Variants in DNAAF5 observed in about 807,000 individuals in gnomAD.
The protein encoded by DNAAF5 is dynein axonemal assembly factor 5, also known as HEAT repeat containing 2.
A neutral mutation model predicts 75.8 loss-of-function variants in DNAAF5; 64 were observed. The observed-to-expected ratio is 0.84, with a 90% CI of 0.69 to 1.04. DNAAF5 has a LOEUF of 1.04. DNAAF5 is among the 50% of genes least tolerant of loss of function. The pLI, the probability that DNAAF5 is intolerant of heterozygous loss-of-function variation, is 0.00. For synonymous variants in DNAAF5, 657 were observed against 557.2 expected (o/e 1.18, Z -2.52); for missense variants, 1,269 against 1,178.5 (o/e 1.08, Z -1.12).
intron 8 of DNAAF5, 128 bp from the exon 9 acceptor site, chr7:770,343 G>A (rs1434240477): frequency 1.2e-5 from 9 of 725,730 alleles, no homozygotes; most frequent in Non-Finnish European, 2.0e-5. Flanking sequence ...TGAGAAAGAG[G>A]AAGCGGGGAG....
chr7:784,650 T>C (rs1476207997), intron 12 of DNAAF5, among the ~76,000 whole-genome samples: 1 of 152,200 alleles, frequency 6.6e-6, no homozygotes, highest in Non-Finnish European at 1.5e-5. Flanking sequence ...TGCTTCCCGA[T>C]GAACCCTCCG....
chr7:762,603 T>C (rs1583503748), intron 7 of DNAAF5, among the ~76,000 whole-genome samples: 1 of 152,058 alleles, frequency 6.6e-6, no homozygotes, highest in African/African-American at 2.4e-5. Context: ...ATGGGCTCCC[T>C]GTTTATGCCC....
intron 4 of DNAAF5, among the ~76,000 whole-genome samples, chr7:743,055 G>A (rs1288919977): frequency 5.9e-5 from 9 of 152,174 alleles, no homozygotes; most frequent in African/African-American, 1.7e-4. Flanking sequence ...AATGTATTCC[G>A]TCAAATACAG....
intron 7 of DNAAF5, among the ~76,000 whole-genome samples, chr7:763,600 A>T (rs551722726): frequency 2.1e-4 from 32 of 152,180 alleles, no homozygotes; most frequent in Non-Finnish European, 4.4e-4. Context: ...GTTGGTGTGA[A>T]CGGGATCAGG....
In DNAAF5 at chr7:754,382, T is replaced by G. The variant is rs950542020; in HGVS notation, c.1025-207T>G. Among the ~76,000 whole-genome samples the G allele has an allele frequency of 1.3e-5, 2 of 152,178 alleles. No individual in the cohort carries two copies. The highest frequency in any genetic ancestry group is 2.9e-5 in the Non-Finnish European group (2 of 68,038). On this transcript the variant is annotated intron_variant, in intron 4 of 12. Transcript: ENST00000297440. The surrounding 1 kb of genome is among the most constrained non-coding windows in gnomAD (Gnocchi z 4.8). The stretch of plus-strand genomic sequence containing the variant: ...CTCTAGTGATCCACCTGCCTTGGCC[T>G]CCACAGGGCTAGGACTGCAGCCGTG...
chr7:728,448 A>T (rs1318402234), intron 1 of DNAAF5, among the ~76,000 whole-genome samples: 2 of 152,150 alleles, frequency 1.3e-5, no homozygotes, highest in African/African-American at 4.8e-5. Context: ...CTGCGTGGAG[A>T]ATAGATTCCA....
chr7:765,120 CTA>C (rs1346188125), intron 8 of DNAAF5, among the ~76,000 whole-genome samples: 1 of 152,188 alleles, frequency 6.6e-6, no homozygotes, highest in African/African-American at 2.4e-5. Context: ...GGCCCTGTCT[CTA>C]AAACCAAACA....
chr7:769,625 T>C (rs1044362352), intron 8 of DNAAF5, among the ~76,000 whole-genome samples: 3 of 152,256 alleles, frequency 2.0e-5, no homozygotes, highest in Admixed American at 6.5e-5. Flanking sequence ...CTTTAATTTT[T>C]CAAAAAAATT....
At chr7:729,525 T>G in intron 1 of DNAAF5, 138 bp from the exon 2 acceptor site, 1 of 756,672 alleles carries the variant, frequency 1.3e-6, no homozygotes. Flanking sequence ...TGTGTACTGT[T>G]CATGCAGCAA....
intron 11 of DNAAF5, among the ~76,000 whole-genome samples, chr7:777,704 G>T (rs1276179134): frequency 7.9e-5 from 12 of 152,218 alleles, no homozygotes; most frequent in Admixed American, 7.9e-4. Context: ...TCCCGGAAAT[G>T]AATGGAGTCA....
In DNAAF5 at chr7:761,797, G is replaced by T; in HGVS notation, c.1515G>T (p.Val505=). The T allele has an allele frequency of 6.2e-7, 1 of 1,609,376 alleles. No homozygotes were observed. Among genetic ancestry groups the T allele is most frequent in the Middle Eastern group, 1.7e-4 (1 of 5,976 alleles). ...ERLLLCVQAL[V]SVCHEDCGVA... Reference sequence around the variant, plus strand: ...TGCTGCTGTGTGTGCAGGCTCTGGTGTCTGTGTGTCATGAGGACTGTGGCG... The same window carrying T: ...TGCTGCTGTGTGTGCAGGCTCTGGTTTCTGTGTGTCATGAGGACTGTGGCG... Residue 505 remains valine, a synonymous_variant, in exon 7 of 13, where the codon GTG becomes GTT. Transcript: ENST00000297440.
intron 12 of DNAAF5, among the ~76,000 whole-genome samples, chr7:781,956 G>A (rs141710475): frequency 2.9e-3 from 443 of 152,378 alleles, no homozygotes; most frequent in African/African-American, 9.9e-3. Context: ...CCCTGCGGCT[G>A]TACTCTGCTC....
chr7:768,122 G>A (rs996449182), intron 8 of DNAAF5, among the ~76,000 whole-genome samples: 37 of 103,384 alleles, frequency 3.6e-4, no homozygotes, highest in African/African-American at 1.5e-3. Context: ...GGTGATCTGG[G>A]CGGAAGTGTC....
chr7:785,596 G>T lies in DNAAF5; in HGVS notation c.2511G>T (p.Ser837=), dbSNP rs143524894. The T allele has an allele frequency of 1.2e-6, 2 of 1,613,266 alleles. No individual in the cohort carries two copies. Among genetic ancestry groups the T allele is most frequent in the Non-Finnish European group, 1.7e-6 (2 of 1,180,024 alleles). ...ETEAVIHKHR[S]ATYCEQLLQH... The stretch of plus-strand genomic sequence containing the variant: ...AGGCCGTCATCCACAAGCACCGCTC[G>T]GCCACCTACTGCGAGCAGCTCCTGC... The change falls in exon 13 of 13, where the codon TCG becomes TCT. Residue 837 remains serine, a synonymous_variant. Coordinates refer to ENST00000297440, the MANE Select transcript of DNAAF5 (RefSeq NM_017802.4).
intron 11 of DNAAF5, among the ~76,000 whole-genome samples, chr7:775,559 T>A (rs1489048253): frequency 9.2e-5 from 14 of 152,158 alleles, no homozygotes; most frequent in South Asian, 2.1e-4. Flanking sequence ...TATATACATG[T>A]TTGTGCATTT....
At position 754,094 on chromosome 7, in the gene DNAAF5, T is replaced by C. The variant is rs1180933142; in HGVS notation, c.1025-495T>C. On this transcript the variant is annotated intron_variant, in intron 4 of 12. Coordinates refer to ENST00000297440, the MANE Select transcript of DNAAF5 (RefSeq NM_017802.4). This position sits in a 1 kb window ranked among gnomAD's most constrained non-coding sequence, Gnocchi z 4.8. ...TCTCTCTGATCATAGGGGGACGGCT[T>C]CGCAGGCGTGTCTCTCTGATCATAC... 6.6e-6 allele frequency among the ~76,000 whole-genome samples: 1 copy of C among 152,240 alleles called. No individual in the cohort carries two copies. The highest frequency in any genetic ancestry group is 1.9e-4 in the East Asian group (1 of 5,174).
At chr7:735,156 G>A (rs989084764) in intron 2 of DNAAF5, among the ~76,000 whole-genome samples, 16 of 151,698 alleles carry the variant, frequency 1.1e-4, no homozygotes, top group African/African-American at 3.2e-4. Context: ...TGCTCACGGT[G>A]TAGTTCATGG....
chr7:727,226 G>A lies in DNAAF5; in HGVS notation c.506G>A (p.Arg169His). The change falls in exon 1 of 13, where the codon CGC becomes CAC. Residue 169 changes from arginine (R) to histidine (H), a missense_variant. Transcript: ENST00000297440. ...ALAPHLDDAL[R>H]ALRCSLLDPF... Reference sequence around the variant, plus strand: ...GCGCCCCACCTGGACGACGCTCTGCGCGCGCTGCGCTGCTCCCTGCTCGAC... The same window carrying A: ...GCGCCCCACCTGGACGACGCTCTGCACGCGCTGCGCTGCTCCCTGCTCGAC... 7.4e-7 allele frequency: 1 copy of A among 1,347,716 alleles called. No homozygotes were observed. The highest frequency in any genetic ancestry group is 1.7e-5 in the South Asian group (1 of 57,414). 83.5% of individuals were successfully genotyped at this position (1,347,716 alleles called of 1,614,324 possible). A position where few individuals can be genotyped will look rare whatever the true frequency, so the allele number is the denominator to read the frequency against.
chr7:764,017 C>G, intron 8 of DNAAF5, 43 bp downstream of exon 8: 3 of 1,592,296 alleles, frequency 1.9e-6, no homozygotes, highest in Non-Finnish European at 2.6e-6. Context: ...TGGCCCCACT[C>G]AGGCTACACA....
Sources: gnomAD v4.1 joint callset for allele counts (sites outside exome capture counted in the v4.1 genomes callset) on GRCh38, gnomAD v4.1.1 for gene constraint, Gnocchi (gnomAD v3.1) non-coding constraint, MANE v1.5 for transcripts, NCBI Gene and HGNC (gene_info 2026-07-23, HGNC 2026-07-21) for gene names.